The following FHIT variants were observed in gnomAD, a reference collection of about 807,000 sequenced individuals.
The protein encoded by FHIT is fragile histidine triad diadenosine triphosphatase, also known as bis(5'-adenosyl)-triphosphatase.
In FHIT, 19 loss-of-function variants were observed where a neutral mutation model predicts 17.9. The ratio of observed to expected loss-of-function variants is 1.06; its 90% CI spans 0.74 to 1.56. FHIT has a LOEUF of 1.56. Among genes scored for constraint, FHIT ranks in the 40% most tolerant of loss-of-function variants. The pLI is 0.00. For missense variants in FHIT, 248 were observed against 189.2 expected, an observed-to-expected ratio of 1.31 and a Z score of -1.82; for synonymous variants, 81 against 69.7, an observed-to-expected ratio of 1.16 and a Z score of -0.81.
intron 5 of FHIT, among the ~76,000 whole-genome samples, chr3:60,081,757 G>C (rs1416529358): frequency 6.6e-6 from 1 of 152,052 alleles, no homozygotes; most frequent in African/African-American, 2.4e-5. Context: ...TGTGTTTTGA[G>C]AGATATATAC....
chr3:59,947,825 G>A (rs1706891638), intron 7 of FHIT, among the ~76,000 whole-genome samples: 1 of 152,170 alleles, frequency 6.6e-6, no homozygotes, highest in African/African-American at 2.4e-5. Flanking sequence ...AGCATGTGCT[G>A]GCAACAGTGG....
At chr3:60,047,296 C>A (rs551101515) in intron 5 of FHIT, among the ~76,000 whole-genome samples, 1 of 152,272 alleles carries the variant, frequency 6.6e-6, no homozygotes, top group African/African-American at 2.4e-5. Flanking sequence ...TGGTCACACA[C>A]AGTGCTATAG....
intron 3 of FHIT, among the ~76,000 whole-genome samples, chr3:60,973,821 T>C (rs1710127634): frequency 6.6e-6 from 1 of 152,172 alleles, no homozygotes; most frequent in African/African-American, 2.4e-5. Context: ...AGAAGGGAGA[T>C]GTGTTATTTA....
intron 5 of FHIT, among the ~76,000 whole-genome samples, chr3:60,516,376 A>G (rs1282038027): frequency 6.6e-6 from 1 of 152,196 alleles, no homozygotes; most frequent in Non-Finnish European, 1.5e-5. Flanking sequence ...TCTGTATGCA[A>G]TCTATCATGA....
intron 4 of FHIT, among the ~76,000 whole-genome samples, chr3:60,683,520 T>A (rs1454763846): frequency 4.4e-5 from 3 of 67,742 alleles, no homozygotes; most frequent in African/African-American, 1.1e-4. Context: ...ATTTTTAAAT[T>A]AAGATAACAT....
At chr3:60,621,075 C>T (rs1316553722) in intron 4 of FHIT, among the ~76,000 whole-genome samples, 3 of 151,894 alleles carry the variant, frequency 2.0e-5, no homozygotes, top group African/African-American at 7.3e-5. Flanking sequence ...GATGTTTTCA[C>T]ACCAATCCTT....
At chr3:59,780,244 G>A (rs1250084110) in intron 8 of FHIT, among the ~76,000 whole-genome samples, 2 of 152,184 alleles carry the variant, frequency 1.3e-5, no homozygotes, top group East Asian at 3.8e-4. Context: ...CACACTGTAG[G>A]TAAAGTTCCA....
intron 3 of FHIT, among the ~76,000 whole-genome samples, chr3:61,035,081 C>A: frequency 6.6e-6 from 1 of 152,034 alleles, no homozygotes; most frequent in East Asian, 1.9e-4. Flanking sequence ...CATAAAATAT[C>A]CAGAATAGGT....
chr3:59,747,598 A>T lies in FHIT; in HGVS notation c.*1987T>A, dbSNP rs1007621250. On this transcript the variant is annotated 3_prime_UTR_variant, in exon 10 of 10. Transcript: ENST00000492590. ...AAGTCAAGAACATCTTTTTGGTCTT[A>T]TAGTCTTTATTCTTATATAGGGCAT... Among the ~76,000 whole-genome samples the T allele has an allele frequency of 5.3e-5, 8 of 152,100 alleles. No individual in the cohort carries two copies. Among genetic ancestry groups the T allele is most frequent in the African/African-American group, 1.4e-4 (6 of 41,424 alleles).
chr3:61,162,572 A>T (rs969087062), intron 2 of FHIT, among the ~76,000 whole-genome samples: 1 of 152,196 alleles, frequency 6.6e-6, no homozygotes, highest in African/African-American at 2.4e-5. Flanking sequence ...AACCATAAAC[A>T]TATATTATGA....
At position 60,126,452 on chromosome 3, in the gene FHIT, C is replaced by A. The variant is rs535668407; in HGVS notation, c.104-112300G>T. 3.3e-5 allele frequency among the ~76,000 whole-genome samples: 5 copies of A among 152,290 alleles called. No homozygotes were observed. The South Asian group carries it at 1.0e-3, about 32-fold the overall frequency. On this transcript the variant is annotated intron_variant, in intron 5 of 9. Transcript: ENST00000492590. Reference sequence around the variant, plus strand: ...CAGTAACAAACAAACAAGTCATGATCTCTCATGGAATTCTAACTACTACCA... The same window carrying A: ...CAGTAACAAACAAACAAGTCATGATATCTCATGGAATTCTAACTACTACCA...
chr3:60,454,509 C>G (rs377577661), intron 5 of FHIT, among the ~76,000 whole-genome samples: 114 of 151,804 alleles, frequency 7.5e-4, no homozygotes, highest in Middle Eastern at 6.8e-3. Flanking sequence ...CTCAGCCTCT[C>G]GAGTAGCTGG....
chr3:60,993,018 C>T (rs759920259), intron 3 of FHIT, among the ~76,000 whole-genome samples: 1 of 152,100 alleles, frequency 6.6e-6, no homozygotes, highest in Non-Finnish European at 1.5e-5. Context: ...TTAAAAAATG[C>T]TTTTAAGCTA....
chr3:59,882,530 C>A (rs573163554), intron 8 of FHIT, among the ~76,000 whole-genome samples: 5 of 152,152 alleles, frequency 3.3e-5, no homozygotes, highest in Non-Finnish European at 5.9e-5. Context: ...TCAAGTTTCC[C>A]TTTAATTACA....
chr3:60,759,111 T>C (rs1699547338), intron 4 of FHIT, among the ~76,000 whole-genome samples: 1 of 152,096 alleles, frequency 6.6e-6, no homozygotes, highest in African/African-American at 2.4e-5. Flanking sequence ...TGGCAGCCTA[T>C]GCAATCAGGG....
At chr3:60,315,372 C>G (rs78278556) in intron 5 of FHIT, among the ~76,000 whole-genome samples, 5,722 of 152,152 alleles carry the variant, frequency 0.038, 358 homozygotes, top group African/African-American at 0.13. Flanking sequence ...CACGAGTAAC[C>G]ACCACCTAGG....
chr3:60,944,586 ACAT>A (rs1374397725), intron 3 of FHIT, among the ~76,000 whole-genome samples: 1 of 152,240 alleles, frequency 6.6e-6, no homozygotes, highest in African/African-American at 2.4e-5. Flanking sequence ...CTTTGATATG[ACAT>A]CATAAAAACT....
At chr3:59,833,896 T>A (rs1288305848) in intron 8 of FHIT, among the ~76,000 whole-genome samples, 1 of 152,110 alleles carries the variant, frequency 6.6e-6, no homozygotes, top group African/African-American at 2.4e-5. Flanking sequence ...TTGTGCTCTC[T>A]CTCCTGCCAC....
At chr3:60,318,015 C>G (rs895552202) in intron 5 of FHIT, among the ~76,000 whole-genome samples, 1 of 152,068 alleles carries the variant, frequency 6.6e-6, no homozygotes, top group African/African-American at 2.4e-5. Flanking sequence ...TGGTCTCAAA[C>G]CCCTCACCTC....
Sources: allele counts gnomAD v4.1 joint callset (sites outside exome capture counted in the v4.1 genomes callset), GRCh38; gene constraint gnomAD v4.1.1; transcripts MANE v1.5; gene names NCBI Gene and HGNC (gene_info 2026-07-23, HGNC 2026-07-21).